The following DTNA variants were observed in gnomAD, a reference collection of about 807,000 sequenced individuals.
DTNA encodes dystrobrevin alpha.
DTNA carries 43 observed loss-of-function variants against 100.7 expected under a neutral mutation model. That is an observed-to-expected ratio of 0.43 (90% CI 0.33 to 0.55). The LOEUF is 0.55. Ranked by LOEUF, DTNA falls within the 20% of genes least tolerant of loss-of-function variation. The pLI, the probability that DTNA is intolerant of heterozygous loss-of-function variation, is 0.04. For missense variants in DTNA, 798 were observed against 953.9 expected (o/e 0.84, Z 2.15); for synonymous variants, 349 against 347.9 (o/e 1.00, Z -0.04).
intron 9 of DTNA, chr18:34,825,332 G>A: frequency 1.2e-6 from 2 of 1,607,528 alleles, no homozygotes; most frequent in South Asian, 1.1e-5. Context: ...ATGATCATAA[G>A]TGGGGATGAG....
At chr18:34,645,571 G>A (rs1002763284) in intron 1 of DTNA, among the ~76,000 whole-genome samples, 11 of 152,186 alleles carry the variant, frequency 7.2e-5, no homozygotes, top group Middle Eastern at 6.8e-3. Context: ...AGAAGATAGA[G>A]AATAAATCTC....
At chr18:34,545,633 A>G (rs1484884357) in intron 1 of DTNA, among the ~76,000 whole-genome samples, 1 of 152,098 alleles carries the variant, frequency 6.6e-6, no homozygotes, top group Non-Finnish European at 1.5e-5. Context: ...TTTAAGGAAT[A>G]TGAGTAACAA....
At chr18:34,573,400 G>A (rs12326793) in intron 1 of DTNA, among the ~76,000 whole-genome samples, 16,093 of 152,056 alleles carry the variant, frequency 0.11, 1,287 homozygotes, top group African/African-American at 0.21. Context: ...CTAAAATCCC[G>A]TTTTAAGATC....
At chr18:34,860,109 C>T (rs1048256226) in intron 16 of DTNA, among the ~76,000 whole-genome samples, 3 of 151,868 alleles carry the variant, frequency 2.0e-5, no homozygotes, top group Non-Finnish European at 4.4e-5. Flanking sequence ...TGCAGTGGCA[C>T]GATCTCGGCT....
At chr18:34,554,966 G>A (rs1361094491) in intron 1 of DTNA, among the ~76,000 whole-genome samples, 1 of 137,742 alleles carries the variant, frequency 7.3e-6, no homozygotes, top group Non-Finnish European at 1.6e-5. Context: ...GTTCCTCCTT[G>A]TACCTCTGGT....
chr18:34,505,721 T>C (rs2040423603), intron 1 of DTNA, among the ~76,000 whole-genome samples: 1 of 152,020 alleles, frequency 6.6e-6, no homozygotes, highest in Admixed American at 6.6e-5. Flanking sequence ...AAGTTTTATA[T>C]TTTTTTATTT....
intron 1 of DTNA, among the ~76,000 whole-genome samples, chr18:34,519,762 A>T (rs919990551): frequency 2.6e-5 from 4 of 152,240 alleles, no homozygotes; most frequent in Non-Finnish European, 5.9e-5. Flanking sequence ...TTTCAATTGA[A>T]GCAACAATGT....
chr18:34,530,439 A>G (rs1201512505), intron 1 of DTNA, among the ~76,000 whole-genome samples: 1 of 151,946 alleles, frequency 6.6e-6, no homozygotes, highest in African/African-American at 2.4e-5. Flanking sequence ...TGGTGTGTTC[A>G]TTCCTTTGAA....
Position 34,820,786 on chromosome 18 carries a change from T to C in DTNA, c.877-5T>C. 1.2e-6 allele frequency: 2 copies of C among 1,614,160 alleles called. No individual in the cohort carries two copies. Among genetic ancestry groups the C allele is most frequent in the South Asian group, 2.2e-5 (2 of 91,092 alleles). On this transcript the variant is annotated splice_region_variant and splice_polypyrimidine_tract_variant and intron_variant, in intron 8 of 22. Coordinates refer to ENST00000444659, the MANE Select transcript of DTNA (RefSeq NM_001386795.1). ...TGTCACTTCTGCCTTCCTTCTTCTT[T>C]CCAGAAATCACCTGCTAAGAAGCTG...
intron 1 of DTNA, among the ~76,000 whole-genome samples, chr18:34,622,877 T>A (rs1260373808): frequency 1.3e-5 from 2 of 152,176 alleles, no homozygotes; most frequent in Non-Finnish European, 2.9e-5. Context: ...AGCTTGCAGA[T>A]GGCATGTCTT....
chr18:34,634,769 G>A (rs2058480238), intron 1 of DTNA, among the ~76,000 whole-genome samples: 1 of 152,108 alleles, frequency 6.6e-6, no homozygotes, highest in South Asian at 2.1e-4. Flanking sequence ...TGTAGACATT[G>A]TGGAATGGCT....
chr18:34,572,024 A>G (rs866007455), intron 1 of DTNA, among the ~76,000 whole-genome samples: 4 of 152,364 alleles, frequency 2.6e-5, no homozygotes, highest in Middle Eastern at 3.4e-3. Context: ...CAAGGCCCTG[A>G]CATCATATCA....
intron 17 of DTNA, among the ~76,000 whole-genome samples, chr18:34,872,488 AT>A (rs1486092739): frequency 1.3e-5 from 2 of 152,214 alleles, no homozygotes; most frequent in East Asian, 1.9e-4. Flanking sequence ...CATTTATCTG[AT>A]TTTGAAAAGC....
At chr18:34,594,514 T>A (rs1166725362) in intron 1 of DTNA, among the ~76,000 whole-genome samples, 1 of 152,230 alleles carries the variant, frequency 6.6e-6, no homozygotes. Context: ...AGTGCACAGA[T>A]GAACAGTTGT....
At chr18:34,709,977 A>T (rs995025797), upstream of DTNA, among the ~76,000 whole-genome samples, 1 of 152,216 alleles carries the variant, frequency 6.6e-6, no homozygotes, top group Non-Finnish European at 1.5e-5. Context: ...TAGTTGGCTG[A>T]TGTAGTAGAT....
chr18:34,611,877 C>G (rs1443188598), intron 1 of DTNA, among the ~76,000 whole-genome samples: 1 of 152,228 alleles, frequency 6.6e-6, no homozygotes, highest in Non-Finnish European at 1.5e-5. Flanking sequence ...GGGCATCTCG[C>G]TGGGCAGGCG....
intron 1 of DTNA, among the ~76,000 whole-genome samples, chr18:34,652,626 T>C (rs989925868): frequency 6.6e-6 from 1 of 152,214 alleles, no homozygotes; most frequent in Admixed American, 6.5e-5. Flanking sequence ...CCATGCTACT[T>C]TTCCAGCACT....
At chr18:34,754,248 C>T (rs1007384934) in intron 1 of DTNA, among the ~76,000 whole-genome samples, 3 of 151,998 alleles carry the variant, frequency 2.0e-5, no homozygotes, top group African/African-American at 7.2e-5. Context: ...TTTAATTTTA[C>T]CCTCAGGTGA....
chr18:34,721,532 G>A (rs1379673766), intron 1 of DTNA, among the ~76,000 whole-genome samples: 1 of 152,118 alleles, frequency 6.6e-6, no homozygotes. Flanking sequence ...ACAAAAACGT[G>A]ACGCAGTTCT....
Sources: gnomAD v4.1 joint callset for allele counts (sites outside exome capture counted in the v4.1 genomes callset) on GRCh38, gnomAD v4.1.1 for gene constraint, MANE v1.5 for transcripts, NCBI Gene and HGNC (gene_info 2026-07-23, HGNC 2026-07-21) for gene names.